The following TRPM3 variants were observed in gnomAD, a reference collection of about 807,000 sequenced individuals.
TRPM3 encodes transient receptor potential cation channel subfamily M member 3.
Under a neutral mutation model 181.2 loss-of-function variants are expected in TRPM3, and 77 were observed. That is an observed-to-expected ratio of 0.42 (90% CI 0.35 to 0.51). The LOEUF (loss-of-function observed/expected upper bound fraction) is 0.51, where lower values mean the gene tolerates loss of function less well. Ranked by LOEUF, TRPM3 falls within the 20% of genes least tolerant of loss-of-function variation. The pLI is 0.01. For synonymous variants in TRPM3, 745 were observed against 796.4 expected (o/e 0.94, Z 1.09); for missense variants, 1,759 against 2,196.7 (o/e 0.80, Z 3.98).
chr9:70,664,938 C>G (rs1314724749), intron 9 of TRPM3, among the ~76,000 whole-genome samples: 1 of 152,160 alleles, frequency 6.6e-6, no homozygotes, highest in East Asian at 1.9e-4. Context: ...GCGTGAGCCA[C>G]CACACCGGCC....
At chr9:70,777,340 A>G (rs1346867335) in intron 7 of TRPM3, among the ~76,000 whole-genome samples, 5 of 152,124 alleles carry the variant, frequency 3.3e-5, no homozygotes, top group African/African-American at 1.2e-4. Context: ...TGATGAGCCA[A>G]TTTAGATCAA....
intron 1 of TRPM3, among the ~76,000 whole-genome samples, chr9:71,409,141 C>T (rs1482568026): frequency 6.6e-6 from 1 of 152,112 alleles, no homozygotes; most frequent in Non-Finnish European, 1.5e-5. Context: ...CTGGTACCAG[C>T]CACTGCAAAA....
intron 1 of TRPM3, among the ~76,000 whole-genome samples, chr9:71,286,661 T>C (rs1408414150): frequency 1.3e-5 from 2 of 152,130 alleles, no homozygotes; most frequent in Admixed American, 6.6e-5. Flanking sequence ...GTCAGTACAA[T>C]ACATTCTATT....
intron 1 of TRPM3, among the ~76,000 whole-genome samples, chr9:71,302,311 T>C (rs1409753418): frequency 7.9e-5 from 12 of 152,208 alleles, no homozygotes; most frequent in Non-Finnish European, 1.6e-4. Flanking sequence ...CATCACCTAC[T>C]ATTTTATGAC....
intron 1 of TRPM3, among the ~76,000 whole-genome samples, chr9:71,076,118 A>G (rs189976072): frequency 1.3e-5 from 2 of 152,196 alleles, no homozygotes; most frequent in African/African-American, 4.8e-5. Context: ...ACAAAAAGAC[A>G]TAACTAGTGG....
chr9:71,005,599 T>C (rs1421634098), intron 1 of TRPM3, among the ~76,000 whole-genome samples: 1 of 152,042 alleles, frequency 6.6e-6, no homozygotes, highest in Admixed American at 6.6e-5. Context: ...AGAAACCCTG[T>C]AGGCTGAGAA....
intron 17 of TRPM3, among the ~76,000 whole-genome samples, chr9:70,618,156 C>G (rs539277971): frequency 8.5e-5 from 13 of 152,100 alleles, no homozygotes; most frequent in Non-Finnish European, 1.8e-4. Context: ...ATAAAAAAAG[C>G]AAACGCTATA....
chr9:71,378,095 A>G (rs1482988059), intron 1 of TRPM3, among the ~76,000 whole-genome samples: 1 of 152,264 alleles, frequency 6.6e-6, no homozygotes, highest in East Asian at 1.9e-4. Context: ...GAATATATCA[A>G]TAACTCATAG....
chr9:70,919,784 C>CAA lies in TRPM3; in HGVS notation c.178-55275_178-55274dup, dbSNP rs34469005. 5.3e-3 allele frequency among the ~76,000 whole-genome samples: 696 copies of CAA among 130,690 alleles called. 7 individuals are homozygous for CAA. Among genetic ancestry groups the CAA allele is most frequent in the African/African-American group, 0.018 (608 of 34,696 alleles). 85.7% of individuals were successfully genotyped at this position (130,690 alleles called of 152,430 possible). On this transcript the variant is annotated intron_variant, in intron 1 of 25. Transcript: ENST00000677713. The stretch of plus-strand genomic sequence containing the variant: ...GGGTGACAAGAGTGAAACTCCATTT[C>CAA]AAAAAAAAAAAAAAAATCTTCCATC...
intron 1 of TRPM3, among the ~76,000 whole-genome samples, chr9:71,292,628 T>C (rs915050637): frequency 6.6e-6 from 1 of 151,950 alleles, no homozygotes; most frequent in Non-Finnish European, 1.5e-5. Context: ...ATCCTAATAA[T>C]GTTTTTTAAA....
At chr9:70,831,962 AATATATATATATATATATATAT>A (rs71367232) in intron 5 of TRPM3, among the ~76,000 whole-genome samples, 17 of 64,248 alleles carry the variant, frequency 2.6e-4, no homozygotes, top group East Asian at 4.6e-4. Context: ...GTACCCCATA[AATATATATATATATATATATAT>A]ATATATATAT....
chr9:70,612,189 A>G (rs1227550183), intron 18 of TRPM3, among the ~76,000 whole-genome samples: 2 of 152,372 alleles, frequency 1.3e-5, no homozygotes, highest in East Asian at 1.9e-4. Flanking sequence ...CTCACTCACT[A>G]GAACAAAAAA....
intron 8 of TRPM3, among the ~76,000 whole-genome samples, chr9:70,689,416 A>G (rs1016662042): frequency 1.3e-5 from 2 of 152,140 alleles, no homozygotes; most frequent in Admixed American, 1.3e-4. Flanking sequence ...GCACAGTTTT[A>G]AGGTTTTTAC....
chr9:71,171,395 T>C (rs1027815758), intron 1 of TRPM3, among the ~76,000 whole-genome samples: 1 of 152,122 alleles, frequency 6.6e-6, no homozygotes, highest in Non-Finnish European at 1.5e-5. Context: ...TTGTGGCTTG[T>C]GGGGCATCAC....
chr9:71,239,875 C>T (rs1022395870), intron 1 of TRPM3, among the ~76,000 whole-genome samples: 3 of 151,902 alleles, frequency 2.0e-5, no homozygotes, highest in Non-Finnish European at 4.4e-5. Flanking sequence ...GACATTGAAA[C>T]TAATTTATAT....
intron 6 of TRPM3, among the ~76,000 whole-genome samples, chr9:70,798,266 G>A (rs1289015435): frequency 1.3e-5 from 2 of 152,028 alleles, no homozygotes; most frequent in Non-Finnish European, 2.9e-5. Context: ...TGTTGCCCAG[G>A]CTGGTCTAGA....
At chr9:71,004,529 G>A (rs890141853) in intron 1 of TRPM3, among the ~76,000 whole-genome samples, 2 of 152,210 alleles carry the variant, frequency 1.3e-5, no homozygotes, top group Non-Finnish European at 2.9e-5. Flanking sequence ...AATGGGGGAG[G>A]TCTCCTCCTA....
At chr9:71,427,376 G>A (rs1588983171) in intron 1 of TRPM3, among the ~76,000 whole-genome samples, 1 of 152,212 alleles carries the variant, frequency 6.6e-6, no homozygotes, top group African/African-American at 2.4e-5. Flanking sequence ...AAATCCAGAG[G>A]ATGGGACCCA....
At chr9:71,138,745 T>A (rs1162903677) in intron 1 of TRPM3, among the ~76,000 whole-genome samples, 3 of 152,198 alleles carry the variant, frequency 2.0e-5, no homozygotes, top group African/African-American at 7.2e-5. Context: ...TAAACAGAAA[T>A]CATATCAGGC....
Sources: allele counts gnomAD v4.1 joint callset (sites outside exome capture counted in the v4.1 genomes callset), GRCh38; gene constraint gnomAD v4.1.1; transcripts MANE v1.5; gene names NCBI Gene and HGNC (gene_info 2026-07-23, HGNC 2026-07-21).